The following SNX29 variants were observed in gnomAD, a reference collection of about 807,000 sequenced individuals.
The protein encoded by SNX29 is sorting nexin 29, also known as sorting nexin-29.
In SNX29, 78 loss-of-function variants were observed where a neutral mutation model predicts 102.1. The ratio of observed to expected loss-of-function variants is 0.76; its 90% CI spans 0.64 to 0.92. SNX29 has a LOEUF of 0.92. Ranked by LOEUF, SNX29 falls within the 40% of genes least tolerant of loss-of-function variation. The pLI is 0.00. For synonymous variants in SNX29, 580 were observed against 414.5 expected (o/e 1.40, Z -4.85); for missense variants, 1,280 against 1,061.7 (o/e 1.21, Z -2.86).
intron 15 of SNX29, among the ~76,000 whole-genome samples, chr16:12,283,673 A>G (rs1282916160): frequency 1.3e-5 from 2 of 152,208 alleles, no homozygotes; most frequent in African/African-American, 4.8e-5. Flanking sequence ...GCTCTTCCTC[A>G]TGCCAAGAGT....
chr16:12,290,675 G>A (rs1374441020), intron 15 of SNX29, among the ~76,000 whole-genome samples: 1 of 152,140 alleles, frequency 6.6e-6, no homozygotes, highest in African/African-American at 2.4e-5. Flanking sequence ...TTTTCTTTTT[G>A]TAGACACATA....
chr16:12,222,769 A>G (rs2077511262), intron 14 of SNX29, among the ~76,000 whole-genome samples: 1 of 152,126 alleles, frequency 6.6e-6, no homozygotes, highest in Non-Finnish European at 1.5e-5. Context: ...AGGTTTTGCC[A>G]TGTTGGCCAG....
rs2079192130 is a variant in SNX29 at position 12,571,747 on chromosome 16, C to G, written c.*3118C>G. 2.9e-6 allele frequency: 3 copies of G among 1,017,188 alleles called. No individual in the cohort carries two copies. Among genetic ancestry groups the G allele is most frequent in the Non-Finnish European group, 3.6e-6 (3 of 836,512 alleles). The allele number at this position is 1,017,188 out of a possible 1,614,324, so 63.0% of individuals were successfully genotyped here. On this transcript the variant is annotated 3_prime_UTR_variant, in exon 21 of 21. Transcript: ENST00000566228. Reference sequence around the variant, plus strand: ...AAAGGCTGCTAGAAACCTAGCCCAACCATCCACTCCTGATCTGAGACAGAA... The same window carrying G: ...AAAGGCTGCTAGAAACCTAGCCCAAGCATCCACTCCTGATCTGAGACAGAA...
intron 14 of SNX29, among the ~76,000 whole-genome samples, chr16:12,261,819 G>A (rs2078778311): frequency 1.5e-5 from 2 of 134,080 alleles, no homozygotes; most frequent in Admixed American, 7.7e-5. Flanking sequence ...TCCCCGGCTG[G>A]AGTAAGTGTT....
intron 3 of SNX29, among the ~76,000 whole-genome samples, chr16:12,009,731 T>C (rs1023147958): frequency 2.0e-5 from 3 of 152,194 alleles, no homozygotes; most frequent in East Asian, 1.9e-4. Context: ...CTCGTTCTTA[T>C]GGTTCATTGA....
chr16:12,042,268 T>C (rs956727570), intron 4 of SNX29, among the ~76,000 whole-genome samples: 1 of 152,178 alleles, frequency 6.6e-6, no homozygotes, highest in Non-Finnish European at 1.5e-5. Context: ...TAGCCTCAAG[T>C]GATCCACCAC....
intron 18 of SNX29, among the ~76,000 whole-genome samples, chr16:12,454,441 G>C (rs1479915282): frequency 6.6e-6 from 1 of 152,224 alleles, no homozygotes; most frequent in African/African-American, 2.4e-5. Flanking sequence ...TTTGAGTAGA[G>C]GCTGAGAGAA....
chr16:12,123,113 A>G (rs1337009244), intron 11 of SNX29, among the ~76,000 whole-genome samples: 1 of 152,214 alleles, frequency 6.6e-6, no homozygotes, highest in Non-Finnish European at 1.5e-5. Context: ...GGCATGAGCC[A>G]CCGTGCCCAG....
At chr16:12,564,708 G>C (rs2078918970) in intron 20 of SNX29, among the ~76,000 whole-genome samples, 1 of 152,016 alleles carries the variant, frequency 6.6e-6, no homozygotes, top group Non-Finnish European at 1.5e-5. Context: ...AGAGCTGCAA[G>C]CCCACTTTGT....
At chr16:12,524,990 A>C in intron 20 of SNX29, 149 bp downstream of exon 20, 1 of 1,155,040 alleles carries the variant, frequency 8.7e-7, no homozygotes, top group Non-Finnish European at 1.2e-6. Context: ...CCAGGTGCCA[A>C]AGTGGAGGTT....
rs562437661 is a variant in SNX29, at chr16:12,401,861, T to C, written c.1956-1587T>C. Among the ~76,000 whole-genome samples, 14 of 152,228 alleles carry C rather than the reference T, an allele frequency of 9.2e-5. No homozygotes were observed. In the East Asian group the frequency reaches 2.7e-3, roughly 29 times the overall value. On this transcript the variant is annotated intron_variant, in intron 17 of 20. Transcript: ENST00000566228. ...AACTAACATCTAGGAGGGAGATGGGTCACTTAAACAATCAATTTCTGATAC... is the reference window on the plus strand; with the variant it reads ...AACTAACATCTAGGAGGGAGATGGGCCACTTAAACAATCAATTTCTGATAC...
Position 12,113,494 on chromosome 16 carries a change from C to T in SNX29, c.1403-13139C>T, listed in dbSNP as rs536314299. 3.4e-4 allele frequency among the ~76,000 whole-genome samples: 52 copies of T among 152,236 alleles called. 1 individual carries two copies. The South Asian group carries it at 4.8e-3, about 14-fold the overall frequency. On this transcript the variant is annotated intron_variant, in intron 11 of 20. Coordinates refer to ENST00000566228, the MANE Select transcript of SNX29 (RefSeq NM_032167.5). ...CTCCGGGTGTGAGATCTGCCTGCAC[C>T]CTCTCAGTGGCTGGCTGCATCTAAT...
At chr16:12,557,662 C>G (rs530219840) in intron 20 of SNX29, 5 of 152,236 alleles carry the variant, frequency 3.3e-5, no homozygotes, top group African/African-American at 9.6e-5. Context: ...ACACCCAGCC[C>G]AAAAAATCTT....
At chr16:12,280,522 T>G (rs2079397930) in intron 15 of SNX29, among the ~76,000 whole-genome samples, 1 of 151,400 alleles carries the variant, frequency 6.6e-6, no homozygotes. Context: ...TTTCTTTTCC[T>G]TCTTGTTTGT....
chr16:12,099,992 G>A (rs1242402387), intron 11 of SNX29, among the ~76,000 whole-genome samples: 1 of 152,150 alleles, frequency 6.6e-6, no homozygotes, highest in Non-Finnish European at 1.5e-5. Flanking sequence ...TCCTTGCAGC[G>A]ACCCCATGCA....
chr16:12,461,984 T>A lies in SNX29; in HGVS notation c.2038-15735T>A, dbSNP rs1208362100. 7.9e-3 allele frequency among the ~76,000 whole-genome samples: 406 copies of A among 51,466 alleles called. 2 individuals are homozygous for A. Among genetic ancestry groups the A allele is most frequent in the African/African-American group, 0.012 (88 of 7,562 alleles). 33.8% of individuals were successfully genotyped at this position (51,466 alleles called of 152,430 possible). Reference sequence around the variant, plus strand: ...AAAAAAAAAAAAAAAAAAAAATATATATATATATATATATATATATATATA... The same window carrying A: ...AAAAAAAAAAAAAAAAAAAAATATAAATATATATATATATATATATATATA... On this transcript the variant is annotated intron_variant, in intron 18 of 20. Transcript: ENST00000566228.
chr16:12,001,121 G>GTT (rs929894907), intron 2 of SNX29, among the ~76,000 whole-genome samples: 1 of 151,368 alleles, frequency 6.6e-6, no homozygotes, highest in Non-Finnish European at 1.5e-5. Context: ...AGCTGCTGCT[G>GTT]TTTTTTTTTA....
chr16:12,069,291 A>T (rs1362529906), intron 10 of SNX29, among the ~76,000 whole-genome samples, 159 bp downstream of exon 10: 2 of 151,466 alleles, frequency 1.3e-5, no homozygotes, highest in African/African-American at 4.9e-5. Context: ...TTTGAGATGG[A>T]GCCCGGTTCT....
At chr16:12,204,444 C>T (rs1372736677) in intron 14 of SNX29, among the ~76,000 whole-genome samples, 1 of 152,184 alleles carries the variant, frequency 6.6e-6, no homozygotes, top group Non-Finnish European at 1.5e-5. Flanking sequence ...TTCCTCCTAC[C>T]TCCCCTCTTA....
Sources: gnomAD v4.1 joint callset for allele counts (sites outside exome capture counted in the v4.1 genomes callset) on GRCh38, gnomAD v4.1.1 for gene constraint, MANE v1.5 for transcripts, NCBI Gene and HGNC (gene_info 2026-07-23, HGNC 2026-07-21) for gene names.